UBE3A: variants seen among roughly 807,000 people sequenced by gnomAD.
UBE3A encodes the protein ubiquitin-protein ligase E3A.
In UBE3A, 6 loss-of-function variants were observed where a neutral mutation model predicts 83.4. That is an observed-to-expected ratio of 0.07 (90% CI 0.04 to 0.14). The LOEUF (loss-of-function observed/expected upper bound fraction) is 0.14. UBE3A is among the 10% of genes least tolerant of loss of function. The pLI, the probability that UBE3A is intolerant of heterozygous loss-of-function variation, is 1.00. For synonymous variants in UBE3A, 337 were observed against 355.4 expected (o/e 0.95, Z 0.58); for missense variants, 456 against 1,036.1 (o/e 0.44, Z 7.69).
chr15:25,395,398 G>A (rs1333075030), intron 4 of UBE3A, among the ~76,000 whole-genome samples: 1 of 152,136 alleles, frequency 6.6e-6, no homozygotes, highest in African/African-American at 2.4e-5. Flanking sequence ...TTTGCCAAAA[G>A]ATGATGCCTT....
At chr15:25,343,004 G>A (rs1475184856) in intron 11 of UBE3A, among the ~76,000 whole-genome samples, 1 of 152,206 alleles carries the variant, frequency 6.6e-6, no homozygotes, top group South Asian at 2.1e-4. Context: ...GGTGGAAGCA[G>A]CTAATGAAAA....
At chr15:25,402,023 G>A (rs2087257032) in intron 4 of UBE3A, among the ~76,000 whole-genome samples, 1 of 152,026 alleles carries the variant, frequency 6.6e-6, no homozygotes, top group South Asian at 2.1e-4. Flanking sequence ...TCTTTGTCAG[G>A]CAGTTCATAT....
At chr15:25,366,500 T>G (rs1168100525) in intron 6 of UBE3A, among the ~76,000 whole-genome samples, 1 of 152,172 alleles carries the variant, frequency 6.6e-6, no homozygotes, top group Admixed American at 6.5e-5. Flanking sequence ...GCTTTTTATC[T>G]GTGCCAATCA....
rs2088843259 is a variant in UBE3A at position 25,407,280 on chromosome 15, G to T, written c.21-1778C>A. The T allele has an allele frequency of 3.8e-6, 4 of 1,044,308 alleles. No homozygotes were observed. The Admixed American group carries it at 1.7e-4, about 44-fold the overall frequency. The allele number at this position is 1,044,308 out of a possible 1,614,324, so 64.7% of individuals were successfully genotyped here. ...TGCTGGCACTGAGGGAAGAGAGGCA[G>T]ATTAGAAGTTTTCAAACACGTAGGC... On this transcript the variant is annotated intron_variant, in intron 3 of 12. Coordinates refer to ENST00000648336, the MANE Select transcript of UBE3A (RefSeq NM_130839.5).
chr15:25,361,479 A>C (rs1245924921), intron 6 of UBE3A, among the ~76,000 whole-genome samples: 1 of 152,174 alleles, frequency 6.6e-6, no homozygotes, highest in Admixed American at 6.5e-5. Flanking sequence ...TCTCAACTAT[A>C]AATCTTTTAC....
At chr15:25,355,692 G>C (rs1428032182) in intron 9 of UBE3A, among the ~76,000 whole-genome samples, 200 bp downstream of exon 9, 1 of 152,068 alleles carries the variant, frequency 6.6e-6, no homozygotes. Flanking sequence ...TTCTCTAAAA[G>C]GGGCTTTAGT....
intron 4 of UBE3A, among the ~76,000 whole-genome samples, chr15:25,396,022 G>C (rs1011038694): frequency 6.6e-6 from 1 of 152,038 alleles, no homozygotes; most frequent in African/African-American, 2.4e-5. Flanking sequence ...GGCCAATATG[G>C]TGAAACTCTG....
At chr15:25,427,281 C>A (rs1891592553) in intron 1 of UBE3A, among the ~76,000 whole-genome samples, 2 of 151,754 alleles carry the variant, frequency 1.3e-5, no homozygotes, top group African/African-American at 4.8e-5. Flanking sequence ...TAAAGAAGCC[C>A]CAAACCAATG....
At chr15:25,416,251 A>T (rs2090895529) in intron 1 of UBE3A, among the ~76,000 whole-genome samples, 1 of 152,214 alleles carries the variant, frequency 6.6e-6, no homozygotes, top group Non-Finnish European at 1.5e-5. Flanking sequence ...TTCCAAACCA[A>T]AAATGATTAA....
At chr15:25,342,640 T>TAA (rs5811380) in intron 11 of UBE3A, among the ~76,000 whole-genome samples, 13 of 145,224 alleles carry the variant, frequency 9.0e-5, no homozygotes, top group African/African-American at 3.0e-4. Flanking sequence ...AAGGGGAAAA[T>TAA]AAAAAAAAAA....
Position 25,356,793 on chromosome 15 carries a change from A to G in UBE3A, c.1857T>C (p.Ala619=). The G allele has an allele frequency of 6.2e-7, 1 of 1,613,908 alleles. No individual in the cohort carries two copies. The highest frequency in any genetic ancestry group is 8.5e-7 in the Non-Finnish European group (1 of 1,179,906). Reference sequence around the variant, plus strand: ...CATCCAGTATACAGTTATTGTAAATAGCCAGACCCAGTACTATGCCAATCA... The same window carrying G: ...CATCCAGTATACAGTTATTGTAAATGGCCAGACCCAGTACTATGCCAATCA... The part of the protein sequence containing the change: ...FTLIGIVLGL[A]IYNNCILDVH... The change falls in exon 8 of 13, where the codon GCT becomes GCC. Residue 619 remains alanine, a synonymous_variant. Coordinates refer to ENST00000648336, the MANE Select transcript of UBE3A (RefSeq NM_130839.5).
intron 1 of UBE3A, among the ~76,000 whole-genome samples, chr15:25,427,962 T>C (rs1596471481): frequency 6.6e-6 from 1 of 152,146 alleles, no homozygotes; most frequent in Non-Finnish European, 1.5e-5. Context: ...GAAGCCATTA[T>C]GTTAAGTGAA....
chr15:25,339,883 T>C lies in UBE3A; in HGVS notation c.2498+202A>G, dbSNP rs79406530. On this transcript the variant is annotated intron_variant, in intron 12 of 12. Coordinates refer to ENST00000648336, the MANE Select transcript of UBE3A (RefSeq NM_130839.5). ...TGATTCCAAACCAATGTGAGCCCCA[T>C]AATAATTTTTAACTAGGGCAATTTC... is the stretch of plus-strand genomic sequence containing the variant. 3.4e-3 allele frequency: 2,101 copies of C among 626,308 alleles called. 38 individuals are homozygous for C. In the African/African-American group the frequency reaches 0.035, roughly 11 times the overall value. The allele number at this position is 626,308 out of a possible 1,614,324, so 38.8% of individuals were successfully genotyped here.
chr15:25,392,013 G>T (rs564828855), intron 4 of UBE3A, among the ~76,000 whole-genome samples: 1 of 152,182 alleles, frequency 6.6e-6, no homozygotes, highest in Non-Finnish European at 1.5e-5. Flanking sequence ...CTCAAAAACC[G>T]AGAAGAAACT....
rs2073984689 is a variant in UBE3A at position 25,336,840 on chromosome 15, T to A, written c.*2297A>T. On this transcript the variant is annotated 3_prime_UTR_variant, in exon 13 of 13. Transcript: ENST00000648336. Reference sequence around the variant, plus strand: ...AGGTCTAATTCAAAGAAAACCAAAATATATAATAGAGTACCTGGGCAAAAA... The same window carrying A: ...AGGTCTAATTCAAAGAAAACCAAAAAATATAATAGAGTACCTGGGCAAAAA... 1 of 152,140 alleles carries A rather than the reference T, an allele frequency of 6.6e-6. No individual in the cohort carries two copies. The highest frequency in any genetic ancestry group is 2.1e-4 in the South Asian group (1 of 4,834). 9.4% of individuals were successfully genotyped at this position (152,140 alleles called of 1,614,324 possible). A position where few individuals can be genotyped will look rare whatever the true frequency, so the allele number is the denominator to read the frequency against.
chr15:25,423,367 T>C (rs1225939896), intron 1 of UBE3A, among the ~76,000 whole-genome samples: 3 of 152,160 alleles, frequency 2.0e-5, no homozygotes, highest in Non-Finnish European at 4.4e-5. Flanking sequence ...TTTTAAAAGG[T>C]AATTGGCAAA....
chr15:25,420,868 C>T (rs147932302), intron 1 of UBE3A: 1 of 152,152 alleles, frequency 6.6e-6, no homozygotes. Context: ...ATGTTCATAG[C>T]AGCATCATTC....
At chr15:25,433,577 A>G (rs1181300735) in intron 1 of UBE3A, among the ~76,000 whole-genome samples, 2 of 152,176 alleles carry the variant, frequency 1.3e-5, no homozygotes, top group Non-Finnish European at 2.9e-5. Flanking sequence ...TCATTTGACA[A>G]AAGAAGGAAC....
rs2086276315 is a variant in UBE3A, at chr15:25,398,787, A to ATATATATATATTCTTTTATT, written c.62+6673_62+6674insAATAAAAGAATATATATATA. 1.4e-3 allele frequency among the ~76,000 whole-genome samples: 52 copies of ATATATATATATTCTTTTATT among 38,502 alleles called. 1 individual carries two copies. Among genetic ancestry groups the ATATATATATATTCTTTTATT allele is most frequent in the African/African-American group, 4.7e-3 (51 of 10,880 alleles). The allele number at this position is 38,502 out of a possible 152,430, so 25.3% of individuals were successfully genotyped here. ...TTCTTTTATTTATATATATATATAT[A>ATATATATATATTCTTTTATT]TATATATATATATATATATATATAT... On this transcript the variant is annotated intron_variant, in intron 4 of 12. Coordinates refer to ENST00000648336, the MANE Select transcript of UBE3A (RefSeq NM_130839.5).
Sources: allele counts gnomAD v4.1 joint callset (sites outside exome capture counted in the v4.1 genomes callset), GRCh38; gene constraint gnomAD v4.1.1; transcripts MANE v1.5; gene names NCBI Gene and HGNC (gene_info 2026-07-23, HGNC 2026-07-21).